ATF7IP2: variants seen among roughly 807,000 people sequenced by gnomAD.
The protein encoded by ATF7IP2 is activating transcription factor 7 interacting protein 2.
ATF7IP2 carries 42 observed loss-of-function variants against 64.2 expected under a neutral mutation model. That is an observed-to-expected ratio of 0.65 (90% CI 0.51 to 0.85). ATF7IP2 has a LOEUF of 0.85. Among genes scored for constraint, ATF7IP2 ranks in the 40% least tolerant of loss-of-function variants. The probability of loss-of-function intolerance (pLI) is 0.00; values close to 1 mark genes in which losing one functional copy is unlikely to be tolerated. For missense variants in ATF7IP2, 933 were observed against 784.2 expected, an observed-to-expected ratio of 1.19 and a Z score of -2.27; for synonymous variants, 308 against 272.8, an observed-to-expected ratio of 1.13 and a Z score of -1.27.
At chr16:10,472,508 G>C (rs374961479) in intron 10 of ATF7IP2, among the ~76,000 whole-genome samples, 1 of 151,220 alleles carries the variant, frequency 6.6e-6, no homozygotes, top group African/African-American at 2.4e-5. Context: ...TTTGTTTTTT[G>C]TCTTCTTATT....
At chr16:10,392,987 CAAAAG>C (rs1361989936) in intron 1 of ATF7IP2, among the ~76,000 whole-genome samples, 4 of 151,552 alleles carry the variant, frequency 2.6e-5, no homozygotes, top group Non-Finnish European at 5.9e-5. Context: ...TCCATGTCTC[CAAAAG>C]AAAAGAAAAA....
chr16:10,419,319 C>T (rs1420390105), intron 2 of ATF7IP2, among the ~76,000 whole-genome samples: 3 of 152,150 alleles, frequency 2.0e-5, no homozygotes, highest in African/African-American at 7.2e-5. Context: ...ATATTCCTAA[C>T]AGTTCCTTCC....
intron 1 of ATF7IP2, among the ~76,000 whole-genome samples, chr16:10,391,903 A>G (rs887360693): frequency 4.6e-5 from 7 of 152,058 alleles, no homozygotes; most frequent in Non-Finnish European, 8.8e-5. Flanking sequence ...TTAAAAAAAA[A>G]AAAAGAAAAG....
chr16:10,415,946 A>G (rs1008794645), intron 2 of ATF7IP2, among the ~76,000 whole-genome samples: 3 of 152,246 alleles, frequency 2.0e-5, no homozygotes, highest in Non-Finnish European at 2.9e-5. Context: ...AAAGACAGGT[A>G]ATATGAAATG....
intron 8 of ATF7IP2, among the ~76,000 whole-genome samples, chr16:10,440,753 A>C (rs1042856912): frequency 5.3e-5 from 8 of 152,122 alleles, no homozygotes; most frequent in African/African-American, 1.7e-4. Flanking sequence ...AGTTGAAATT[A>C]TGTGTTTTTA....
intron 8 of ATF7IP2, among the ~76,000 whole-genome samples, chr16:10,451,032 T>C (rs554749836): frequency 6.6e-6 from 1 of 152,338 alleles, no homozygotes; most frequent in South Asian, 2.1e-4. Context: ...TGTCTCAGCA[T>C]TGGCTTGTCT....
At chr16:10,407,098 C>T (rs114170223) in intron 1 of ATF7IP2, among the ~76,000 whole-genome samples, 376 of 152,242 alleles carry the variant, frequency 2.5e-3, no homozygotes, top group African/African-American at 7.3e-3. Flanking sequence ...CAATGTGATA[C>T]ATTATATCAA....
rs192033668 is a variant in ATF7IP2, at chr16:10,412,306, G to A, written c.-241-2268G>A. Among the ~76,000 whole-genome samples the A allele has an allele frequency of 1.4e-4, 22 of 151,910 alleles. No homozygotes were observed. In the East Asian group the frequency reaches 4.3e-3, roughly 29 times the overall value. ...TGCTCTTTCAGACTTTTTGATTTAGGCATTTAGGGCTATGAACTTTCCTCC... is the reference window on the plus strand; with the variant it reads ...TGCTCTTTCAGACTTTTTGATTTAGACATTTAGGGCTATGAACTTTCCTCC... On this transcript the variant is annotated intron_variant, in intron 1 of 13. Transcript: ENST00000562102.
At chr16:10,393,501 A>G (rs2141743799) in intron 1 of ATF7IP2, among the ~76,000 whole-genome samples, 1 of 152,288 alleles carries the variant, frequency 6.6e-6, no homozygotes, top group East Asian at 1.9e-4. Context: ...AGTGATAGGC[A>G]TTCGGTAGAA....
At chr16:10,459,563 C>A (rs2049303256) in intron 9 of ATF7IP2, among the ~76,000 whole-genome samples, 1 of 151,922 alleles carries the variant, frequency 6.6e-6, no homozygotes, top group Non-Finnish European at 1.5e-5. Context: ...AGGAGAATTG[C>A]TTGAACCCGG....
At chr16:10,436,753 C>G (rs1300369876) in intron 6 of ATF7IP2, among the ~76,000 whole-genome samples, 1 of 152,088 alleles carries the variant, frequency 6.6e-6, no homozygotes, top group African/African-American at 2.4e-5. Context: ...ACAAAGACTA[C>G]TTACACTGTG....
intron 1 of ATF7IP2, among the ~76,000 whole-genome samples, chr16:10,388,025 T>G (rs537901286): frequency 6.6e-6 from 1 of 152,122 alleles, no homozygotes; most frequent in Non-Finnish European, 1.5e-5. Flanking sequence ...GCCTCAGCCT[T>G]GCAAGTAGCT....
chr16:10,451,085 G>C (rs1224191197), intron 8 of ATF7IP2, among the ~76,000 whole-genome samples: 2 of 152,172 alleles, frequency 1.3e-5, no homozygotes, highest in East Asian at 3.8e-4. Flanking sequence ...GCTTAGTTTG[G>C]CTGGATATGA....
intron 3 of ATF7IP2, among the ~76,000 whole-genome samples, chr16:10,426,180 T>C (rs2048082392): frequency 6.6e-6 from 1 of 152,238 alleles, no homozygotes; most frequent in Admixed American, 6.5e-5. Context: ...TTTTGCAGCA[T>C]GTGTTACAGG....
At chr16:10,454,580 A>G (rs2049105815) in intron 8 of ATF7IP2, among the ~76,000 whole-genome samples, 1 of 151,406 alleles carries the variant, frequency 6.6e-6, no homozygotes, top group Non-Finnish European at 1.5e-5. Flanking sequence ...CTTTATTTTG[A>G]TTCCTGTTTT....
intron 1 of ATF7IP2, among the ~76,000 whole-genome samples, chr16:10,413,331 G>T (rs2047808917): frequency 6.6e-6 from 1 of 152,118 alleles, no homozygotes; most frequent in Non-Finnish European, 1.5e-5. Context: ...GAGATTTGAT[G>T]GGTTTATCAG....
At chr16:10,401,551 G>A (rs2047535379) in intron 1 of ATF7IP2, among the ~76,000 whole-genome samples, 1 of 152,072 alleles carries the variant, frequency 6.6e-6, no homozygotes, top group East Asian at 1.9e-4. Context: ...AGGGATATTG[G>A]TCTGTAGTTT....
At chr16:10,473,781 A>G (rs2049896244) in intron 11 of ATF7IP2, 142 bp from the exon 12 acceptor site, 9 of 635,118 alleles carry the variant, frequency 1.4e-5, no homozygotes, top group Admixed American at 9.3e-5. Context: ...TTAAACCACA[A>G]GAGACTTAGA....
intron 12 of ATF7IP2, among the ~76,000 whole-genome samples, chr16:10,478,158 A>G (rs2050080762): frequency 6.6e-6 from 1 of 150,386 alleles, no homozygotes; most frequent in Admixed American, 6.6e-5. Flanking sequence ...AACTACTTTA[A>G]AGTTCATATG....
Sources: allele counts gnomAD v4.1 joint callset (sites outside exome capture counted in the v4.1 genomes callset), GRCh38; gene constraint gnomAD v4.1.1; transcripts MANE v1.5; gene names NCBI Gene and HGNC (gene_info 2026-07-23, HGNC 2026-07-21).